PRPH2: variants seen among roughly 807,000 people sequenced by gnomAD.
PRPH2 encodes peripherin-2.
Under a neutral mutation model 31.3 loss-of-function variants are expected in PRPH2, and 17 were observed. The ratio of observed to expected loss-of-function variants is 0.54; its 90% CI spans 0.37 to 0.81. The LOEUF (loss-of-function observed/expected upper bound fraction) is 0.81, where lower values mean the gene tolerates loss of function less well. Among genes scored for constraint, PRPH2 ranks in the 40% least tolerant of loss-of-function variants. The probability of loss-of-function intolerance (pLI) is 0.00; values close to 1 mark genes in which losing one functional copy is unlikely to be tolerated. For missense variants in PRPH2, 430 were observed against 439.7 expected, an observed-to-expected ratio of 0.98 and a Z score of 0.20; for synonymous variants, 165 against 184.4, an observed-to-expected ratio of 0.89 and a Z score of 0.85.
At chr6:42,709,126 C>T (rs1042962367) in intron 1 of PRPH2, among the ~76,000 whole-genome samples, 1 of 151,544 alleles carries the variant, frequency 6.6e-6, no homozygotes, top group Non-Finnish European at 1.5e-5. Flanking sequence ...GTCAGGAGTT[C>T]GAGACCATCC....
chr6:42,698,223 A>G lies in PRPH2; in HGVS notation c.*72T>C, dbSNP rs1799980458. 4 of 1,597,908 alleles carry G rather than the reference A, an allele frequency of 2.5e-6. No homozygotes were observed. The highest frequency in any genetic ancestry group is 3.4e-6 in the Non-Finnish European group (4 of 1,171,676). Reference sequence around the variant, plus strand: ...GGGAGATTCAGACTTTCGGAGTTGGATGAGGGGGAGATCCACGTTTCTTGG... The same window carrying G: ...GGGAGATTCAGACTTTCGGAGTTGGGTGAGGGGGAGATCCACGTTTCTTGG... On this transcript the variant is annotated 3_prime_UTR_variant, in exon 3 of 3. Transcript: ENST00000230381.
At chr6:42,701,997 T>G (rs1459264978) in intron 2 of PRPH2, among the ~76,000 whole-genome samples, 1 of 152,004 alleles carries the variant, frequency 6.6e-6, no homozygotes, top group South Asian at 2.1e-4. Flanking sequence ...TCCCAGCACT[T>G]TAGGAGGCCG....
At chr6:42,716,039 A>C (rs1035266785) in intron 1 of PRPH2, among the ~76,000 whole-genome samples, 3 of 152,202 alleles carry the variant, frequency 2.0e-5, no homozygotes, top group African/African-American at 7.2e-5. Flanking sequence ...TTATTCCAGG[A>C]ACAGAGCCTG....
chr6:42,722,400 A>G lies in PRPH2; in HGVS notation c.-66T>C. 6.3e-7 allele frequency: 1 copy of G among 1,599,588 alleles called. No homozygotes were observed. Among genetic ancestry groups the G allele is most frequent in the Admixed American group, 1.7e-5 (1 of 58,490 alleles). On this transcript the variant is annotated 5_prime_UTR_variant, in exon 1 of 3. Coordinates refer to ENST00000230381, the MANE Select transcript of PRPH2 (RefSeq NM_000322.5). This position sits in a 1 kb window ranked among gnomAD's most constrained non-coding sequence, Gnocchi z 4.4. ...TCCCACCCCAAACCTTAACGAGCCC[A>G]GAGGCGGAGACTTAGGGCCTTGGGA...
At chr6:42,702,425 G>A (rs559466493) in intron 2 of PRPH2, among the ~76,000 whole-genome samples, 2 of 151,570 alleles carry the variant, frequency 1.3e-5, no homozygotes, top group African/African-American at 4.8e-5. Context: ...AAATCTTCCT[G>A]GCTTTGTACA....
intron 1 of PRPH2, among the ~76,000 whole-genome samples, chr6:42,719,222 A>G (rs1761849644): frequency 6.7e-6 from 1 of 150,338 alleles, no homozygotes; most frequent in Non-Finnish European, 1.5e-5. Flanking sequence ...GGGCTGGAGT[A>G]CAGTGGCAAG....
At chr6:42,705,599 A>AAAAAAAATATATAT (rs1562424252) in intron 1 of PRPH2, among the ~76,000 whole-genome samples, 47 of 21,294 alleles carry the variant, frequency 2.2e-3, no homozygotes, top group Non-Finnish European at 2.9e-3. Flanking sequence ...AAAAAAAAAA[A>AAAAAAAATATATAT]ATATATATAT....
rs34722725 is a variant in PRPH2 at position 42,704,696 on chromosome 6, C to T, written c.582-85G>A. ...CCTCCCAACCCCTGCCTCTGGAAAC[C>T]TAGAATAGTCATTCACTCGCACACT... On this transcript the variant is annotated intron_variant, in intron 1 of 2. Coordinates refer to ENST00000230381, the MANE Select transcript of PRPH2 (RefSeq NM_000322.5). 454,101 of 1,586,472 alleles carry T rather than the reference C, an allele frequency of 0.29. 67,005 individuals carry two copies. The highest frequency in any genetic ancestry group is 0.44 in the East Asian group (19,762 of 44,680).
At chr6:42,718,655 T>C in intron 1 of PRPH2, among the ~76,000 whole-genome samples, 1 of 151,822 alleles carries the variant, frequency 6.6e-6, no homozygotes, top group East Asian at 1.9e-4. Context: ...TTCATATATT[T>C]TTTTTTTTTC....
intron 2 of PRPH2, among the ~76,000 whole-genome samples, chr6:42,701,574 G>T (rs908634612): frequency 6.6e-6 from 1 of 151,180 alleles, no homozygotes; most frequent in South Asian, 2.1e-4. Context: ...TCCTGGCTCC[G>T]CTGACTTCTT....
intron 1 of PRPH2, among the ~76,000 whole-genome samples, chr6:42,719,221 T>A (rs150955037): frequency 0.01 from 1,532 of 149,904 alleles, 86 homozygotes; most frequent in Admixed American, 0.094. Flanking sequence ...CGGGCTGGAG[T>A]ACAGTGGCAA....
intron 1 of PRPH2, among the ~76,000 whole-genome samples, chr6:42,719,004 C>G (rs1025429563): frequency 6.6e-6 from 1 of 151,940 alleles, no homozygotes; most frequent in African/African-American, 2.4e-5. Flanking sequence ...AAAGTTAAAG[C>G]CAAAGGTCCA....
chr6:42,716,640 G>A (rs1038943714), intron 1 of PRPH2, among the ~76,000 whole-genome samples: 1 of 114,174 alleles, frequency 8.8e-6, no homozygotes, highest in African/African-American at 3.5e-5. Context: ...TTTTTTTTGA[G>A]ATGAAGTTTC....
intron 1 of PRPH2, among the ~76,000 whole-genome samples, chr6:42,716,957 C>CTTT (rs1761797752): frequency 7.7e-5 from 3 of 38,824 alleles, no homozygotes; most frequent in African/African-American, 2.0e-4. Flanking sequence ...TTCTTTCTTT[C>CTTT]TTTTCTTTTT....
At chr6:42,719,167 C>CTTT (rs10594241) in intron 1 of PRPH2, among the ~76,000 whole-genome samples, 13 of 144,902 alleles carry the variant, frequency 9.0e-5, no homozygotes, top group African/African-American at 7.7e-5. Context: ...AGTGGACTTC[C>CTTT]TTTTTTTTTT....
intron 2 of PRPH2, among the ~76,000 whole-genome samples, chr6:42,702,824 C>T (rs573586707): frequency 4.9e-4 from 74 of 151,818 alleles, no homozygotes; most frequent in South Asian, 4.6e-3. Flanking sequence ...GAGCTGAGAT[C>T]GTGCCATTGC....
At chr6:42,717,062 C>T (rs1761801946) in intron 1 of PRPH2, among the ~76,000 whole-genome samples, 1 of 143,432 alleles carries the variant, frequency 7.0e-6, no homozygotes, top group Non-Finnish European at 1.5e-5. Context: ...CTGTCTCAGC[C>T]TCCCAAAGTG....
Position 42,699,909 on chromosome 6 carries a change from C to A in PRPH2, c.829-1402G>T, listed in dbSNP as rs146851449. 6.2e-3 allele frequency among the ~76,000 whole-genome samples: 945 copies of A among 151,612 alleles called. 10 individuals are homozygous for A. Among genetic ancestry groups the A allele is most frequent in the African/African-American group, 0.022 (896 of 41,334 alleles). On this transcript the variant is annotated intron_variant, in intron 2 of 2. Transcript: ENST00000230381. ...ACTGTACCTAGTGCACAGTAAGGAC[C>A]AACAGAAGAGCAGAAGAGTCAGCTG...
At chr6:42,706,404 C>CA (rs1164220581) in intron 1 of PRPH2, among the ~76,000 whole-genome samples, 1 of 146,010 alleles carries the variant, frequency 6.8e-6, no homozygotes, top group Non-Finnish European at 1.5e-5. Context: ...GACTCTGTCT[C>CA]AAAAAAAATA....
Sources: allele counts gnomAD v4.1 joint callset (sites outside exome capture counted in the v4.1 genomes callset), GRCh38; gene constraint gnomAD v4.1.1; non-coding constraint Gnocchi (gnomAD v3.1); transcripts MANE v1.5; gene names NCBI Gene and HGNC (gene_info 2026-07-23, HGNC 2026-07-21).